Variants in CARS2 observed in about 807,000 individuals in gnomAD.
The protein encoded by CARS2 is cysteinyl-tRNA synthetase 2, mitochondrial.
CARS2 carries 52 observed loss-of-function variants against 68.8 expected under a neutral mutation model. The ratio of observed to expected loss-of-function variants is 0.76; its 90% CI spans 0.61 to 0.95. The LOEUF is 0.95. CARS2 is among the 40% of genes least tolerant of loss of function. The pLI, the probability that CARS2 is intolerant of heterozygous loss-of-function variation, is 0.00. For missense variants in CARS2, 780 were observed against 754.2 expected (o/e 1.03, Z -0.40); for synonymous variants, 314 against 303.6 (o/e 1.03, Z -0.36).
chr13:110,662,868 C>T (rs535535142), intron 9 of CARS2: 25 of 372,690 alleles, frequency 6.7e-5, no homozygotes, highest in Middle Eastern at 7.9e-4. Context: ...ATTTATTTTG[C>T]AATTAAATTA....
At chr13:110,699,450 A>G (rs1170743663) in intron 3 of CARS2, among the ~76,000 whole-genome samples, 1 of 152,230 alleles carries the variant, frequency 6.6e-6, no homozygotes, top group Admixed American at 6.5e-5. Context: ...ACTGTAACAC[A>G]TGCTGGTAAA....
At chr13:110,643,700 C>T (rs564042780) in intron 13 of CARS2, 33 of 161,150 alleles carry the variant, frequency 2.0e-4, no homozygotes, top group Non-Finnish European at 4.3e-4. Context: ...ACAGCGCCAG[C>T]CCCAAGGGGC....
intron 9 of CARS2, among the ~76,000 whole-genome samples, chr13:110,661,931 G>A (rs2062513218): frequency 6.6e-6 from 1 of 152,160 alleles, no homozygotes; most frequent in South Asian, 2.1e-4. Flanking sequence ...TAACATCAGA[G>A]ATCACTGACC....
intron 1 of CARS2, chr13:110,712,929 C>G: frequency 6.4e-7 from 1 of 1,556,184 alleles, no homozygotes; most frequent in East Asian, 2.4e-5. Flanking sequence ...ATGGCGCAGG[C>G]GCGGGAGCCG....
rs1239109758 is a variant in CARS2 at position 110,667,521 on chromosome 13, A to G, written c.786-48T>C. ...GTGAATTCATTCAATCAAGCAACAT[A>G]TTTTCTTCTAACCTCGTCTATTTAT... is the stretch of plus-strand genomic sequence containing the variant. On this transcript the variant is annotated intron_variant, in intron 7 of 14. Coordinates refer to ENST00000257347, the MANE Select transcript of CARS2 (RefSeq NM_024537.4). 3 of 1,584,040 alleles carry G rather than the reference A, an allele frequency of 1.9e-6. No individual in the cohort carries two copies. The South Asian group carries it at 3.5e-5, about 18-fold the overall frequency.
rs149796835 is a variant in CARS2 at position 110,655,519 on chromosome 13, C to T, written c.988-4419G>A. Among the ~76,000 whole-genome samples the T allele has an allele frequency of 1.5e-4, 23 of 152,298 alleles. No homozygotes were observed. The East Asian group carries it at 1.7e-3, about 12-fold the overall frequency. ...TTAATCAAGCAAGCGCAAAACTACA[C>T]GACTGTGTGTGAAGGGAAAGTGAGA... On this transcript the variant is annotated intron_variant, in intron 9 of 14. Coordinates refer to ENST00000257347, the MANE Select transcript of CARS2 (RefSeq NM_024537.4).
chr13:110,667,311 G>C (rs773643992), intron 8 of CARS2, 29 bp downstream of exon 8: 1 of 1,591,020 alleles, frequency 6.3e-7, no homozygotes, highest in South Asian at 1.1e-5. Flanking sequence ...AATTGAAACA[G>C]AACAAATTAA....
Position 110,651,000 on chromosome 13 carries a change from G to C in CARS2, c.1054+34C>G, listed in dbSNP as rs185015428. 1.7e-4 allele frequency: 253 copies of C among 1,515,916 alleles called. 1 individual carries two copies. The highest frequency in any genetic ancestry group is 3.5e-4 in the Admixed American group (20 of 57,020). The allele number at this position is 1,515,916 out of a possible 1,614,324, so 93.9% of individuals were successfully genotyped here. A position where few individuals can be genotyped will look rare whatever the true frequency, so the allele number is the denominator to read the frequency against. On this transcript the variant is annotated intron_variant, in intron 10 of 14. Transcript: ENST00000257347. ...TGTCAGAATGACTGTCTCCGAGCTG[G>C]GGGGGGAGTCCACTCCACGTGTGCT...
chr13:110,684,695 G>A (rs1428129449), intron 5 of CARS2, among the ~76,000 whole-genome samples: 1 of 151,820 alleles, frequency 6.6e-6, no homozygotes, highest in Non-Finnish European at 1.5e-5. Context: ...GAGGACAGGA[G>A]GGGGACATCC....
At chr13:110,693,857 A>C (rs1442588729) in intron 3 of CARS2, among the ~76,000 whole-genome samples, 1 of 152,038 alleles carries the variant, frequency 6.6e-6, no homozygotes, top group Admixed American at 6.6e-5. Context: ...TAAGTTAGCT[A>C]TCTCTCCAGG....
rs2063947487 is a variant in CARS2 at position 110,706,068 on chromosome 13, C to T, written c.26G>A (p.Gly9Asp). The change falls in exon 1 of 15, where the codon GGC (glycine) becomes GAC (aspartate). Residue 9 changes from glycine to aspartate, a missense_variant. Coordinates refer to ENST00000257347, the MANE Select transcript of CARS2 (RefSeq NM_024537.4). MLRTTRGPGLGPPLLQAAL... is the reference protein window; with the variant it reads MLRTTRGPDLGPPLLQAAL... ...GGCCTGGAGCAGCGGGGGGCCCAGG[C>T]CTGGGCCGCGCGTAGTCCTCAACAT... is the stretch of plus-strand genomic sequence containing the variant. The T allele has an allele frequency of 2.2e-6, 3 of 1,348,736 alleles. No individual in the cohort carries two copies. Among genetic ancestry groups the T allele is most frequent in the Middle Eastern group, 2.1e-4 (1 of 4,806 alleles). 83.5% of individuals were successfully genotyped at this position (1,348,736 alleles called of 1,614,324 possible). A position where few individuals can be genotyped will look rare whatever the true frequency, so the allele number is the denominator to read the frequency against.
At position 110,705,130 on chromosome 13, in the gene CARS2, T is replaced by C. The variant is rs1594433311; in HGVS notation, c.275+391A>G. ...CAAGTTATCATTCCCATCTCAAAGATGAAGAAACCAGGACTCAAAGCAATA... is the reference window on the plus strand; with the variant it reads ...CAAGTTATCATTCCCATCTCAAAGACGAAGAAACCAGGACTCAAAGCAATA... On this transcript the variant is annotated intron_variant, in intron 2 of 14. Coordinates refer to ENST00000257347, the MANE Select transcript of CARS2 (RefSeq NM_024537.4). This position sits in a 1 kb window ranked among gnomAD's most constrained non-coding sequence, Gnocchi z 4.0. Among the ~76,000 whole-genome samples, 1 of 152,302 alleles carries C rather than the reference T, an allele frequency of 6.6e-6. No homozygotes were observed. The highest frequency in any genetic ancestry group is 3.4e-3 in the Middle Eastern group (1 of 294).
At chr13:110,647,262 T>C in intron 10 of CARS2, 23 bp from the exon 11 acceptor site, 2 of 1,606,224 alleles carry the variant, frequency 1.2e-6, no homozygotes, top group Non-Finnish European at 1.7e-6. Flanking sequence ...AGATGGTCAC[T>C]GAGGCGGTGC....
rs1307857709 is a variant in CARS2 at position 110,642,461 on chromosome 13, A to G, written c.1477T>C (p.Phe493Leu). ...GCAAACTGCCGGACCTTCTGCCGGAACCGCACCAGCTCGTCCACCACACCA... is the reference window on the plus strand; with the variant it reads ...GCAAACTGCCGGACCTTCTGCCGGAGCCGCACCAGCTCGTCCACCACACCA... ...LHGVVDELVR[F>L]RQKVRQFALA... is the part of the protein sequence containing the mutation. The change falls in exon 14 of 15, where the codon TTC becomes CTC. Residue 493 changes from phenylalanine to leucine, a missense_variant. Transcript: ENST00000257347. 1.2e-6 allele frequency: 2 copies of G among 1,609,310 alleles called. No homozygotes were observed. Among genetic ancestry groups the G allele is most frequent in the East Asian group, 2.2e-5 (1 of 44,724 alleles).
rs1371067835 is a variant in CARS2 at position 110,642,297 on chromosome 13, C to A, written c.1623+18G>T. 1.3e-6 allele frequency: 2 copies of A among 1,542,818 alleles called. No individual in the cohort carries two copies. The highest frequency in any genetic ancestry group is 1.4e-5 in the African/African-American group (1 of 72,874). On this transcript the variant is annotated intron_variant, in intron 14 of 14. Transcript: ENST00000257347. ...CCGGCTCCTGGGGTGATGTCCCTGACCTTGGTGCGGCACTCACCTTGATGT... is the reference window on the plus strand; with the variant it reads ...CCGGCTCCTGGGGTGATGTCCCTGAACTTGGTGCGGCACTCACCTTGATGT...
At chr13:110,689,603 T>C (rs2063399436) in intron 3 of CARS2, among the ~76,000 whole-genome samples, 1 of 152,258 alleles carries the variant, frequency 6.6e-6, no homozygotes, top group South Asian at 2.1e-4. Context: ...CTTTACAGCA[T>C]GGAGATATTC....
intron 6 of CARS2, among the ~76,000 whole-genome samples, chr13:110,679,530 C>CA (rs1403433790): frequency 8.6e-6 from 1 of 116,246 alleles, no homozygotes; most frequent in Admixed American, 1.0e-4. Context: ...CATTCTATCT[C>CA]AAAAAAACAA....
intron 3 of CARS2, among the ~76,000 whole-genome samples, chr13:110,700,307 C>T (rs1337907030): frequency 4.6e-5 from 7 of 152,202 alleles, no homozygotes; most frequent in South Asian, 2.1e-4. Context: ...AAGAGGCGCT[C>T]GGGGACAGGG....
chr13:110,654,942 G>GA (rs1555345847), intron 9 of CARS2, among the ~76,000 whole-genome samples: 1,058 of 99,682 alleles, frequency 0.011, 38 homozygotes, highest in African/African-American at 0.05. Flanking sequence ...AAAAGAAAAA[G>GA]AAAAAAAAAG....
Sources: allele counts gnomAD v4.1 joint callset (sites outside exome capture counted in the v4.1 genomes callset), GRCh38; gene constraint gnomAD v4.1.1; non-coding constraint Gnocchi (gnomAD v3.1); transcripts MANE v1.5; gene names NCBI Gene and HGNC (gene_info 2026-07-23, HGNC 2026-07-21).